Variants in ZC3H3 observed in about 807,000 individuals in gnomAD.
ZC3H3 encodes zinc finger CCCH domain-containing protein 3.
ZC3H3 carries 36 observed loss-of-function variants against 77.3 expected under a neutral mutation model. The observed-to-expected ratio is 0.47, with a 90% CI of 0.36 to 0.61. The LOEUF is 0.61. Among genes scored for constraint, ZC3H3 ranks in the 20% least tolerant of loss-of-function variants. The probability of loss-of-function intolerance (pLI) is 0.00; values close to 1 mark genes in which losing one functional copy is unlikely to be tolerated. For synonymous variants in ZC3H3, 626 were observed against 555.2 expected, an observed-to-expected ratio of 1.13 and a Z score of -1.79; for missense variants, 1,331 against 1,312.2, an observed-to-expected ratio of 1.01 and a Z score of -0.22.
chr8:143,519,507 A>C (rs1328682344), intron 3 of ZC3H3, among the ~76,000 whole-genome samples: 2 of 151,996 alleles, frequency 1.3e-5, no homozygotes, highest in African/African-American at 4.8e-5. Context: ...AGGCCTGAGC[A>C]CCCCACATCA....
Position 143,538,740 on chromosome 8 carries a change from G to C in ZC3H3, c.627C>G (p.Gly209=), listed in dbSNP as rs191952144. 1.2e-6 allele frequency: 2 copies of C among 1,609,834 alleles called. No homozygotes were observed. The highest frequency in any genetic ancestry group is 1.7e-6 in the Non-Finnish European group (2 of 1,179,762). ...TCCGGCGGGGCTCCCGGGGGCTGTC[G>C]CCCACACTGCCCACTGACTTCACCA... ...PRMVKSVGSV[G]DSPREPRRTV... Residue 209 remains glycine (G), a synonymous_variant, in exon 2 of 12, where the codon GGC becomes GGG. Transcript: ENST00000262577.
intron 1 of ZC3H3, among the ~76,000 whole-genome samples, chr8:143,539,583 G>A (rs1012973156): frequency 2.0e-5 from 3 of 152,192 alleles, no homozygotes; most frequent in East Asian, 3.8e-4. Context: ...GAAATGAACC[G>A]TGTGGTGTAA....
Position 143,538,541 on chromosome 8 carries a change from A to G in ZC3H3, c.826T>C (p.Ser276Pro). 6.2e-7 allele frequency: 1 copy of G among 1,611,924 alleles called. No individual in the cohort carries two copies. Among genetic ancestry groups the G allele is most frequent in the Non-Finnish European group, 8.5e-7 (1 of 1,180,006 alleles). ...CTGGCGGGGCCCCCCACTGAGCCAGACGGAACTGGCTGATCTGTGTGGCCA... is the reference window on the plus strand; with the variant it reads ...CTGGCGGGGCCCCCCACTGAGCCAGGCGGAACTGGCTGATCTGTGTGGCCA... ...DAGHTDQPVPSGSVGGPARPA... is the reference protein window; with the variant it reads ...DAGHTDQPVPPGSVGGPARPA... The change falls in exon 2 of 12, where the codon TCT becomes CCT. Residue 276 changes from serine (S) to proline (P), a missense_variant. Transcript: ENST00000262577.
At chr8:143,481,227 G>A (rs998205907) in intron 4 of ZC3H3, among the ~76,000 whole-genome samples, 14 of 152,156 alleles carry the variant, frequency 9.2e-5, no homozygotes, top group Non-Finnish European at 8.8e-5. Flanking sequence ...CCAGTGGTGC[G>A]ACCAGCGGCT....
intron 3 of ZC3H3, chr8:143,523,601 TC>T: frequency 2.1e-6 from 2 of 939,166 alleles, no homozygotes; most frequent in South Asian, 9.8e-5. Flanking sequence ...TTCCAGGACA[TC>T]CGTTTGAGGA....
rs1003655216 is a variant in ZC3H3, at chr8:143,460,843, G to A, written c.2307+4874C>T. Among the ~76,000 whole-genome samples the A allele has an allele frequency of 2.6e-5, 4 of 152,180 alleles. No homozygotes were observed. Among genetic ancestry groups the A allele is most frequent in the Admixed American group, 6.5e-5 (1 of 15,278 alleles). On this transcript the variant is annotated intron_variant, in intron 9 of 11. Coordinates refer to ENST00000262577, the MANE Select transcript of ZC3H3 (RefSeq NM_015117.3). The surrounding 1 kb of genome is among the most constrained non-coding windows in gnomAD (Gnocchi z 4.0). ...CACAGCTAGACCCTGGAAACATTACGCTGCGTGAAAGACGCCAGACACCAA... is the reference window on the plus strand; with the variant it reads ...CACAGCTAGACCCTGGAAACATTACACTGCGTGAAAGACGCCAGACACCAA...
intron 4 of ZC3H3, among the ~76,000 whole-genome samples, chr8:143,499,312 C>T (rs1821454450): frequency 6.6e-6 from 1 of 152,094 alleles, no homozygotes; most frequent in African/African-American, 2.4e-5. Context: ...GGCATCAACA[C>T]CCAGGGCCAG....
chr8:143,467,307 C>A lies in ZC3H3; in HGVS notation c.2175+902G>T, dbSNP rs542038277. Among the ~76,000 whole-genome samples the A allele has an allele frequency of 7.2e-5, 11 of 152,196 alleles. No individual in the cohort carries two copies. In the South Asian group the frequency reaches 1.7e-3, roughly 23 times the overall value. Reference sequence around the variant, plus strand: ...CTCATTTCAATTAACCTTGTTTGCACCCCGCCACGTCCACACAAATAACAA... The same window carrying A: ...CTCATTTCAATTAACCTTGTTTGCAACCCGCCACGTCCACACAAATAACAA... On this transcript the variant is annotated intron_variant, in intron 8 of 11. Coordinates refer to ENST00000262577, the MANE Select transcript of ZC3H3 (RefSeq NM_015117.3).
chr8:143,529,137 C>G, intron 3 of ZC3H3, among the ~76,000 whole-genome samples: 1 of 152,142 alleles, frequency 6.6e-6, no homozygotes, highest in East Asian at 1.9e-4. Flanking sequence ...AGAGGTTGGG[C>G]CTGGTTGGAG....
chr8:143,467,258 C>T (rs1276318452), intron 8 of ZC3H3, among the ~76,000 whole-genome samples: 1 of 152,122 alleles, frequency 6.6e-6, no homozygotes, highest in Non-Finnish European at 1.5e-5. Flanking sequence ...CAGAGCGGGG[C>T]TGTTATCAAG....
At chr8:143,485,778 A>C (rs1007312087) in intron 4 of ZC3H3, among the ~76,000 whole-genome samples, 7 of 152,238 alleles carry the variant, frequency 4.6e-5, no homozygotes, top group Non-Finnish European at 1.0e-4. Context: ...AAGGCAAATC[A>C]CACAAAAACA....
intron 3 of ZC3H3, among the ~76,000 whole-genome samples, chr8:143,521,228 G>A (rs1030608599): frequency 6.6e-6 from 1 of 152,240 alleles, no homozygotes; most frequent in East Asian, 1.9e-4. Context: ...GGGCAGAGGC[G>A]CGGGTGGGGG....
chr8:143,485,160 T>C lies in ZC3H3; in HGVS notation c.1716-9575A>G, dbSNP rs552257537. On this transcript the variant is annotated intron_variant, in intron 4 of 11. Coordinates refer to ENST00000262577, the MANE Select transcript of ZC3H3 (RefSeq NM_015117.3). ...GCGCCGGGCCAACATGTGGAAGTTA[T>C]GGAGCATGAGTCCCCCTGGTGCTGA... Among the ~76,000 whole-genome samples, 4 of 152,316 alleles carry C rather than the reference T, an allele frequency of 2.6e-5. No individual in the cohort carries two copies. The East Asian group carries it at 7.7e-4, about 29-fold the overall frequency.
intron 9 of ZC3H3, among the ~76,000 whole-genome samples, chr8:143,463,575 CTAT>C (rs1364251955): frequency 6.6e-6 from 1 of 152,210 alleles, no homozygotes; most frequent in Non-Finnish European, 1.5e-5. Context: ...ACACAGCTGG[CTAT>C]TAAGACTAAG....
intron 1 of ZC3H3, 88 bp from the exon 2 acceptor site, chr8:143,539,408 C>T: frequency 3.1e-6 from 4 of 1,282,362 alleles, no homozygotes; most frequent in Non-Finnish European, 3.2e-6. Context: ...TGGCAAGATA[C>T]CCCCAGATCC....
rs189637484 is a variant in ZC3H3, at chr8:143,443,112, C to T, written c.2308-1992G>A. ...ACATGGTGAAACGGTCTCTCCTAAA[C>T]CGTCTCTACTAAAAACACAAAAATT... On this transcript the variant is annotated intron_variant, in intron 9 of 11. Transcript: ENST00000262577. Among the ~76,000 whole-genome samples, 13 of 152,034 alleles carry T rather than the reference C, an allele frequency of 8.6e-5. No homozygotes were observed. In the East Asian group the frequency reaches 1.5e-3, roughly 18 times the overall value.
intron 4 of ZC3H3, among the ~76,000 whole-genome samples, chr8:143,476,348 C>T (rs1045890734): frequency 1.3e-5 from 2 of 152,202 alleles, no homozygotes; most frequent in African/African-American, 4.8e-5. Flanking sequence ...CCGCGACAGC[C>T]CCTGGAGTTA....
chr8:143,517,523 G>GGT (rs920153771), intron 3 of ZC3H3, among the ~76,000 whole-genome samples: 2 of 152,160 alleles, frequency 1.3e-5, no homozygotes, highest in East Asian at 1.9e-4. Flanking sequence ...GGCCTGGCCA[G>GGT]GTGTGTGTGT....
At chr8:143,541,259 C>G in intron 1 of ZC3H3, 117 bp downstream of exon 1, 1 of 1,548,490 alleles carries the variant, frequency 6.5e-7, no homozygotes, top group South Asian at 1.2e-5. Flanking sequence ...TCCCCCACCC[C>G]AGCCGCCACC....
Sources: allele counts gnomAD v4.1 joint callset (sites outside exome capture counted in the v4.1 genomes callset), GRCh38; gene constraint gnomAD v4.1.1; non-coding constraint Gnocchi (gnomAD v3.1); transcripts MANE v1.5; gene names NCBI Gene and HGNC (gene_info 2026-07-23, HGNC 2026-07-21).